Variants in PCDHA3 observed in about 807,000 individuals in gnomAD.
PCDHA3 encodes the protein protocadherin alpha-3.
In PCDHA3, 41 loss-of-function variants were observed where a neutral mutation model predicts 62.2. The observed-to-expected ratio is 0.66, with a 90% CI of 0.51 to 0.86. PCDHA3 has a LOEUF of 0.86. Ranked by LOEUF, PCDHA3 falls within the 40% of genes least tolerant of loss-of-function variation. PCDHA3 has a pLI of 0.00. For synonymous variants in PCDHA3, 640 were observed against 555.4 expected (o/e 1.15, Z -2.14); for missense variants, 1,304 against 1,241.2 (o/e 1.05, Z -0.76).
intron 1 of PCDHA3, chr5:140,869,203 T>C: frequency 6.2e-7 from 1 of 1,614,000 alleles, no homozygotes; most frequent in Non-Finnish European, 8.5e-7. Flanking sequence ...GCTCCACTAC[T>C]CCGTCTCGGA....
intron 1 of PCDHA3, chr5:140,830,141 G>GC (rs1770847454): frequency 6.2e-7 from 1 of 1,613,282 alleles, no homozygotes; most frequent in East Asian, 2.2e-5. Flanking sequence ...ACGGGCGTCG[G>GC]TGGGCGCCGC....
chr5:140,842,093 G>A lies in PCDHA3; in HGVS notation c.2394+38502G>A, dbSNP rs145495287. On this transcript the variant is annotated intron_variant, in intron 1 of 3. Coordinates refer to ENST00000522353, the MANE Select transcript of PCDHA3 (RefSeq NM_018906.3). ...AAGAATATTCGAAAACGCAGACAAC[G>A]GAACAACAGTTATCAAACTGAATGC... The A allele has an allele frequency of 1.2e-5, 20 of 1,613,732 alleles. No homozygotes were observed. In the African/African-American group the frequency reaches 2.4e-4, roughly 19 times the overall value.
At chr5:140,850,475 G>T (rs2150485791) in intron 1 of PCDHA3, 2 of 1,597,894 alleles carry the variant, frequency 1.3e-6, no homozygotes, top group African/African-American at 2.7e-5. Flanking sequence ...CAGCGCTGAC[G>T]GCCACGGCCA....
chr5:140,858,133 C>T, intron 1 of PCDHA3: 1 of 1,597,688 alleles, frequency 6.3e-7, no homozygotes, highest in Non-Finnish European at 8.6e-7. Context: ...TGGATGTCAA[C>T]GTGTACCTGA....
intron 1 of PCDHA3, among the ~76,000 whole-genome samples, chr5:140,885,862 T>C (rs2060742623): frequency 6.6e-6 from 1 of 152,182 alleles, no homozygotes; most frequent in African/African-American, 2.4e-5. Flanking sequence ...TACTTTTCTA[T>C]TGAAAAAAAA....
In PCDHA3 at chr5:140,927,058, C is replaced by G. The variant is rs376173105; in HGVS notation, c.2395-51891C>G. ...GGCCGCTATGTCCTCGCGGAACTTT[C>G]GCTTCCTTTCCAGCCACCGCGAGCT... On this transcript the variant is annotated intron_variant, in intron 1 of 3. Coordinates refer to ENST00000522353, the MANE Select transcript of PCDHA3 (RefSeq NM_018906.3). 17 of 1,611,136 alleles carry G rather than the reference C, an allele frequency of 1.1e-5. No homozygotes were observed. The South Asian group carries it at 1.2e-4, about 11-fold the overall frequency.
chr5:140,858,839 C>G (rs1306924023), intron 1 of PCDHA3: 1 of 317,040 alleles, frequency 3.2e-6, no homozygotes, highest in Non-Finnish European at 5.9e-6. Context: ...CCAAAAAATT[C>G]CACTGATCTA....
chr5:140,807,584 T>G (rs76522243), intron 1 of PCDHA3: 118 of 1,614,014 alleles, frequency 7.3e-5, no homozygotes, highest in Non-Finnish European at 1.0e-4. Flanking sequence ...CCCGCCGGTG[T>G]TCCCAGCAAC....
chr5:140,942,588 A>G lies in PCDHA3; in HGVS notation c.2395-36361A>G, dbSNP rs1416575390. Among the ~76,000 whole-genome samples the G allele has an allele frequency of 2.0e-5, 3 of 149,704 alleles. No homozygotes were observed. The East Asian group carries it at 5.9e-4, about 29-fold the overall frequency. ...AAAATCTTCCCATATAGGATGTCAC[A>G]TATAATTATAGTGTTTATATTTGCC... On this transcript the variant is annotated intron_variant, in intron 1 of 3. Transcript: ENST00000522353.
At chr5:140,883,521 T>C in intron 1 of PCDHA3, 2 of 1,614,202 alleles carry the variant, frequency 1.2e-6, no homozygotes, top group Non-Finnish European at 1.7e-6. Flanking sequence ...CGCGAGAGCG[T>C]ATCAGCCTAT....
chr5:140,966,984 G>C lies in PCDHA3; in HGVS notation c.2395-11965G>C, dbSNP rs1217682338. ...CTGGGGCTTGAGCTGCGGCGCTTGGGGCCGGGTTGCTTGCGCATCAACCAT... is the reference window on the plus strand; with the variant it reads ...CTGGGGCTTGAGCTGCGGCGCTTGGCGCCGGGTTGCTTGCGCATCAACCAT... On this transcript the variant is annotated intron_variant, in intron 1 of 3. Transcript: ENST00000522353. 21 of 1,603,802 alleles carry C rather than the reference G, an allele frequency of 1.3e-5. No homozygotes were observed. The East Asian group carries it at 4.5e-4, about 34-fold the overall frequency.
Position 140,871,086 on chromosome 5 carries a change from G to C in PCDHA3, c.2394+67495G>C, listed in dbSNP as rs556097993. The C allele has an allele frequency of 1.9e-6, 3 of 1,613,256 alleles. No individual in the cohort carries two copies. In the South Asian group the frequency reaches 3.3e-5, roughly 18 times the overall value. ...ACGGTGAGCCGGCGCTGACGGCCAC[G>C]GCCACCGTGCTGGTGTCGTTGGTGG... On this transcript the variant is annotated intron_variant, in intron 1 of 3. Coordinates refer to ENST00000522353, the MANE Select transcript of PCDHA3 (RefSeq NM_018906.3).
chr5:140,983,329 A>G (rs1359569826), intron 3 of PCDHA3, among the ~76,000 whole-genome samples: 8 of 152,228 alleles, frequency 5.3e-5, no homozygotes, highest in Admixed American at 6.5e-5. Flanking sequence ...TTCTTGCCCT[A>G]TCACTAAAGC....
Position 140,802,567 on chromosome 5 carries a change from A to G in PCDHA3, c.1370A>G (p.Gln457Arg). 6.2e-7 allele frequency: 1 copy of G among 1,613,466 alleles called. No individual in the cohort carries two copies. The highest frequency in any genetic ancestry group is 1.7e-5 in the Admixed American group (1 of 59,968). Residue 457 changes from glutamine (Q) to arginine (R), a missense_variant, in exon 1 of 4, where the codon CAG becomes CGG. Gln to Arg is a conservative substitution (Grantham distance 43). Transcript: ENST00000522353. ...AACGACAATGCGCCGGCATTCTCGC[A>G]GTCCGAGTACACGGTGTTCGTGAAG... ...DVNDNAPAFS[Q>R]SEYTVFVKEN...
intron 1 of PCDHA3, chr5:140,850,565 G>A (rs2041680380): frequency 1.3e-6 from 2 of 1,598,414 alleles, no homozygotes; most frequent in East Asian, 4.5e-5. Flanking sequence ...CGGGCCCCGA[G>A]GTGACGCTGG....
intron 1 of PCDHA3, among the ~76,000 whole-genome samples, chr5:140,879,438 A>C (rs2057989809): frequency 6.6e-6 from 1 of 152,214 alleles, no homozygotes; most frequent in South Asian, 2.1e-4. Context: ...ACATTTAAGA[A>C]AATGTTACTT....
rs187904552 is a variant in PCDHA3 at position 140,875,781 on chromosome 5, T to C, written c.2394+72190T>C. ...TGTGCGGGCGGAGCGCGGAGTGCAGTATCCACCTGGAGGTGATCGTGGACA... is the reference window on the plus strand; with the variant it reads ...TGTGCGGGCGGAGCGCGGAGTGCAGCATCCACCTGGAGGTGATCGTGGACA... On this transcript the variant is annotated intron_variant, in intron 1 of 3. Coordinates refer to ENST00000522353, the MANE Select transcript of PCDHA3 (RefSeq NM_018906.3). 4.7e-3 allele frequency: 7,631 copies of C among 1,614,134 alleles called. 28 individuals carry two copies. Among genetic ancestry groups the C allele is most frequent in the Middle Eastern group, 6.4e-3 (39 of 6,062 alleles).
chr5:140,836,094 G>C, intron 1 of PCDHA3: 1 of 1,613,708 alleles, frequency 6.2e-7, no homozygotes, highest in Middle Eastern at 1.6e-4. Context: ...GCCTCGGGTG[G>C]GTGGCACTGG....
At chr5:140,869,781 T>G in intron 1 of PCDHA3, 1 of 1,612,992 alleles carries the variant, frequency 6.2e-7, no homozygotes, top group African/African-American at 1.3e-5. Context: ...CTGGCACCGT[T>G]CGGCTGTTAG....
Sources: gnomAD v4.1 joint callset for allele counts (sites outside exome capture counted in the v4.1 genomes callset) on GRCh38, gnomAD v4.1.1 for gene constraint, MANE v1.5 for transcripts, NCBI Gene and HGNC (gene_info 2026-07-23, HGNC 2026-07-21) for gene names.